Variants in GABRB2 observed in about 807,000 individuals in gnomAD.
GABRB2 encodes gamma-aminobutyric acid receptor subunit beta-2.
GABRB2 carries 16 observed loss-of-function variants against 54.7 expected under a neutral mutation model. The ratio of observed to expected loss-of-function variants is 0.29; its 90% confidence interval spans 0.20 to 0.44. The LOEUF (loss-of-function observed/expected upper bound fraction) is 0.44. GABRB2 is among the 20% of genes least tolerant of loss of function. GABRB2 has a pLI of 1.00. For synonymous variants in GABRB2, 244 were observed against 233.8 expected, an observed-to-expected ratio of 1.04 and a Z score of -0.40; for missense variants, 355 against 644.0, an observed-to-expected ratio of 0.55 and a Z score of 4.86.
intron 4 of GABRB2, among the ~76,000 whole-genome samples, chr5:161,441,993 T>C (rs1757480564): frequency 6.6e-6 from 1 of 152,024 alleles, no homozygotes; most frequent in Admixed American, 6.6e-5. Context: ...AGGAGGGAGA[T>C]GGGGACGGTT....
chr5:161,444,102 G>A (rs984639189), intron 4 of GABRB2, among the ~76,000 whole-genome samples: 1 of 152,046 alleles, frequency 6.6e-6, no homozygotes, highest in African/African-American at 2.4e-5. Context: ...AAAAAATACT[G>A]TTCTGAGGAA....
At chr5:161,341,971 A>ATATATATATATATATG (rs1326417978) in intron 5 of GABRB2, among the ~76,000 whole-genome samples, 1 of 26,640 alleles carries the variant, frequency 3.8e-5, no homozygotes, top group African/African-American at 7.1e-5. Context: ...ATATATATAC[A>ATATATATATATATATG]TACTTTATTA....
chr5:161,350,821 G>A (rs1005043371), intron 5 of GABRB2, among the ~76,000 whole-genome samples: 2 of 152,046 alleles, frequency 1.3e-5, no homozygotes, highest in Non-Finnish European at 2.9e-5. Context: ...TCCTGCCCTC[G>A]AACATCAGAC....
intron 3 of GABRB2, among the ~76,000 whole-genome samples, chr5:161,507,322 C>G (rs556853424): frequency 8.6e-5 from 13 of 151,954 alleles, no homozygotes; most frequent in African/African-American, 3.1e-4. Flanking sequence ...TAAAGTAGGA[C>G]AGTTAATAGT....
intron 3 of GABRB2, among the ~76,000 whole-genome samples, chr5:161,519,048 G>C (rs1760036255): frequency 6.6e-6 from 1 of 152,168 alleles, no homozygotes; most frequent in Admixed American, 6.5e-5. Flanking sequence ...AGTTTATGAA[G>C]TGGTAATGAA....
intron 5 of GABRB2, among the ~76,000 whole-genome samples, chr5:161,397,504 A>G (rs1423435429): frequency 6.6e-6 from 1 of 152,210 alleles, no homozygotes; most frequent in African/African-American, 2.4e-5. Flanking sequence ...AAATCAATTT[A>G]TATAACAATG....
chr5:161,417,265 ATAAC>A (rs1190330525), intron 4 of GABRB2, among the ~76,000 whole-genome samples: 5 of 152,236 alleles, frequency 3.3e-5, no homozygotes, highest in East Asian at 1.9e-4. Flanking sequence ...ACTCTCACTA[ATAAC>A]TAACATATTA....
At chr5:161,472,764 A>C (rs1758481516) in intron 3 of GABRB2, among the ~76,000 whole-genome samples, 2 of 151,998 alleles carry the variant, frequency 1.3e-5, no homozygotes, top group South Asian at 4.1e-4. Flanking sequence ...TTCAGAAATA[A>C]TTCAACTGGA....
chr5:161,479,803 T>C (rs1307586029), intron 3 of GABRB2, among the ~76,000 whole-genome samples: 1 of 152,018 alleles, frequency 6.6e-6, no homozygotes, highest in Non-Finnish European at 1.5e-5. Flanking sequence ...TTGGTCAGGC[T>C]GGTCTCCAAT....
At chr5:161,486,921 T>A (rs1288958364) in intron 3 of GABRB2, among the ~76,000 whole-genome samples, 1 of 151,912 alleles carries the variant, frequency 6.6e-6, no homozygotes, top group African/African-American at 2.4e-5. Context: ...TGAAGTCAGG[T>A]AGAGAAAGAA....
intron 4 of GABRB2, among the ~76,000 whole-genome samples, chr5:161,456,559 C>A (rs934965341): frequency 2.0e-5 from 3 of 152,186 alleles, no homozygotes; most frequent in Admixed American, 1.3e-4. Flanking sequence ...AGATCAACGT[C>A]TTTACCTTCA....
At chr5:161,338,261 A>G (rs1754049829) in intron 5 of GABRB2, among the ~76,000 whole-genome samples, 1 of 152,146 alleles carries the variant, frequency 6.6e-6, no homozygotes, top group Non-Finnish European at 1.5e-5. Flanking sequence ...GCAGAACTAC[A>G]GTTTTTTGGA....
intron 5 of GABRB2, among the ~76,000 whole-genome samples, chr5:161,385,166 T>C (rs1755586187): frequency 6.6e-6 from 1 of 152,156 alleles, no homozygotes; most frequent in African/African-American, 2.4e-5. Flanking sequence ...AGAGGCTCCA[T>C]CACAAGAGCT....
At chr5:161,457,056 C>A (rs1043922029) in intron 4 of GABRB2, among the ~76,000 whole-genome samples, 1 of 152,182 alleles carries the variant, frequency 6.6e-6, no homozygotes, top group Admixed American at 6.5e-5. Context: ...AAATTTCTCT[C>A]TAAGGAATAA....
intron 3 of GABRB2, 58 bp from the exon 4 acceptor site, chr5:161,459,902 A>G: frequency 1.1e-6 from 1 of 928,008 alleles, no homozygotes; most frequent in Non-Finnish European, 1.7e-6. Context: ...TCTGGGGGAT[A>G]AGCAAACATC....
intron 5 of GABRB2, among the ~76,000 whole-genome samples, chr5:161,372,091 T>C (rs934676700): frequency 6.6e-6 from 1 of 152,142 alleles, no homozygotes; most frequent in Non-Finnish European, 1.5e-5. Context: ...TCCTTTTTCA[T>C]TTGTTTTACT....
Position 161,490,451 on chromosome 5 carries a change from T to A in GABRB2, c.238-30607A>T, listed in dbSNP as rs72813582. ...TCACATAGGCACCTCCTAAAGCCTT[T>A]TCATCAATTATAAAATAAGGATGAA... is the stretch of plus-strand genomic sequence containing the variant. On this transcript the variant is annotated intron_variant, in intron 3 of 9. Transcript: ENST00000393959. Among the ~76,000 whole-genome samples the A allele has an allele frequency of 2.5e-3, 385 of 151,762 alleles. 2 individuals carry two copies. The highest frequency in any genetic ancestry group is 4.1e-3 in the Admixed American group (62 of 15,202).
At chr5:161,342,692 A>G (rs1754208184) in intron 5 of GABRB2, among the ~76,000 whole-genome samples, 1 of 152,092 alleles carries the variant, frequency 6.6e-6, no homozygotes, top group African/African-American at 2.4e-5. Flanking sequence ...AGCCATACAC[A>G]GTGCTATTTA....
chr5:161,354,775 C>T lies in GABRB2; in HGVS notation c.542-18006G>A, dbSNP rs530483943. 2.2e-3 allele frequency among the ~76,000 whole-genome samples: 334 copies of T among 152,086 alleles called. 2 individuals are homozygous for T. The highest frequency in any genetic ancestry group is 7.7e-3 in the African/African-American group (319 of 41,520). On this transcript the variant is annotated intron_variant, in intron 5 of 9. Coordinates refer to ENST00000393959, the MANE Select transcript of GABRB2 (RefSeq NM_001371727.1). ...TACTTGATCTGACTGTGTTCCTGCC[C>T]ACCTCTTTGAAGTCATCTATTAAGA...
Sources: gnomAD v4.1 joint callset for allele counts (sites outside exome capture counted in the v4.1 genomes callset) on GRCh38, gnomAD v4.1.1 for gene constraint, MANE v1.5 for transcripts, NCBI Gene and HGNC (gene_info 2026-07-23, HGNC 2026-07-21) for gene names.